The following SPATA16 variants were observed in gnomAD, a reference collection of about 807,000 sequenced individuals.
SPATA16 encodes spermatogenesis-associated protein 16.
SPATA16 carries 36 observed loss-of-function variants against 63.3 expected under a neutral mutation model. The observed-to-expected ratio is 0.57, with a 90% confidence interval of 0.44 to 0.75. The LOEUF (loss-of-function observed/expected upper bound fraction) is 0.75, where lower values mean the gene tolerates loss of function less well. Among genes scored for constraint, SPATA16 ranks in the 30% least tolerant of loss-of-function variants. SPATA16 has a pLI of 0.00. For missense variants in SPATA16, 646 were observed against 679.3 expected, an observed-to-expected ratio of 0.95 and a Z score of 0.54; for synonymous variants, 203 against 216.7, an observed-to-expected ratio of 0.94 and a Z score of 0.56.
At chr3:172,943,772 A>G (rs1733215977) in intron 6 of SPATA16, among the ~76,000 whole-genome samples, 1 of 152,140 alleles carries the variant, frequency 6.6e-6, no homozygotes, top group Non-Finnish European at 1.5e-5. Context: ...TTATCAAATA[A>G]CATTAAAATT....
intron 3 of SPATA16, among the ~76,000 whole-genome samples, chr3:173,037,205 A>G (rs909415833): frequency 2.6e-5 from 4 of 152,050 alleles, no homozygotes; most frequent in Non-Finnish European, 5.9e-5. Context: ...ATATTACACC[A>G]TCTTTTTGCC....
intron 2 of SPATA16, among the ~76,000 whole-genome samples, chr3:173,109,136 A>G (rs1737688710): frequency 3.3e-5 from 5 of 151,974 alleles, no homozygotes; most frequent in South Asian, 2.1e-4. Context: ...ATACTCTACT[A>G]CCATCTAAGT....
chr3:173,070,589 G>A (rs754803659), intron 2 of SPATA16, among the ~76,000 whole-genome samples: 1 of 152,072 alleles, frequency 6.6e-6, no homozygotes, highest in Non-Finnish European at 1.5e-5. Flanking sequence ...CCAAAAAACT[G>A]TTAGAACTGA....
Position 173,098,508 on chromosome 3 carries a change from G to T in SPATA16, c.612+18612C>A, listed in dbSNP as rs118114964. Reference sequence around the variant, plus strand: ...CTGGAAGAACTTACAGAGTAAAGCTGTGAATGATTTTAAAGGCCTCTTGGG... The same window carrying T: ...CTGGAAGAACTTACAGAGTAAAGCTTTGAATGATTTTAAAGGCCTCTTGGG... On this transcript the variant is annotated intron_variant, in intron 2 of 10. Transcript: ENST00000351008. Among the ~76,000 whole-genome samples the T allele has an allele frequency of 1.7e-4, 26 of 152,304 alleles. No homozygotes were observed. In the East Asian group the frequency reaches 4.1e-3, roughly 24 times the overall value.
At chr3:172,993,445 A>G (rs1312136002) in intron 4 of SPATA16, among the ~76,000 whole-genome samples, 1 of 152,100 alleles carries the variant, frequency 6.6e-6, no homozygotes, top group African/African-American at 2.4e-5. Context: ...CCAGGAAAAA[A>G]AGTAGTAATT....
intron 2 of SPATA16, among the ~76,000 whole-genome samples, chr3:173,113,589 C>T (rs1415880387): frequency 1.3e-5 from 2 of 151,998 alleles, no homozygotes; most frequent in Non-Finnish European, 2.9e-5. Flanking sequence ...TATCATTTGA[C>T]CTTAATGATT....
chr3:173,057,948 C>T (rs1283017990), intron 2 of SPATA16, among the ~76,000 whole-genome samples: 1 of 152,086 alleles, frequency 6.6e-6, no homozygotes, highest in Non-Finnish European at 1.5e-5. Flanking sequence ...ACTAGTTCTT[C>T]ATGACAGATA....
At chr3:172,940,876 G>A (rs112511987) in intron 6 of SPATA16, among the ~76,000 whole-genome samples, 2,402 of 152,112 alleles carry the variant, frequency 0.016, 60 homozygotes, top group African/African-American at 0.055. Flanking sequence ...ACAGCTACTC[G>A]GGAGGCTGAG....
At chr3:172,916,231 AT>A (rs201062286) in intron 9 of SPATA16, 85 bp downstream of exon 9, 59,686 of 1,058,338 alleles carry the variant, frequency 0.056, 1 homozygote, top group Admixed American at 0.093. Flanking sequence ...TTACCACAGG[AT>A]TTTTTTTTTT....
chr3:172,898,133 T>C (rs560445703), intron 10 of SPATA16, among the ~76,000 whole-genome samples: 3 of 152,174 alleles, frequency 2.0e-5, no homozygotes, highest in South Asian at 4.1e-4. Context: ...TTTTTAAACA[T>C]ATTGCTAAAT....
chr3:172,889,952 G>T (rs1046450900), intron 10 of SPATA16, among the ~76,000 whole-genome samples: 1 of 152,168 alleles, frequency 6.6e-6, no homozygotes, highest in Non-Finnish European at 1.5e-5. Context: ...TGGAAATGGG[G>T]ATTACTGTCA....
At chr3:173,067,884 T>G (rs1280723320) in intron 2 of SPATA16, among the ~76,000 whole-genome samples, 2 of 151,894 alleles carry the variant, frequency 1.3e-5, no homozygotes, top group South Asian at 2.1e-4. Flanking sequence ...CAAATAAAAA[T>G]AAAAAGAATT....
chr3:173,117,825 T>C (rs1737950527), intron 1 of SPATA16, 76 bp from the exon 2 acceptor site: 2 of 1,600,864 alleles, frequency 1.2e-6, no homozygotes, highest in Non-Finnish European at 1.7e-6. Flanking sequence ...GTCAAATTCA[T>C]TTTAAACACT....
chr3:172,956,872 T>C (rs143211035), intron 5 of SPATA16, 48 bp from the exon 6 acceptor site: 2 of 1,603,964 alleles, frequency 1.2e-6, no homozygotes, highest in South Asian at 2.2e-5. Context: ...AATATATGAC[T>C]TTTTAAGAAT....
intron 1 of SPATA16, among the ~76,000 whole-genome samples, chr3:173,134,153 G>A (rs1322693247): frequency 1.3e-5 from 2 of 152,194 alleles, no homozygotes; most frequent in Admixed American, 6.5e-5. Flanking sequence ...AAAAAGTCCA[G>A]TAGTAGACCT....
chr3:173,002,262 G>GT (rs1357607059), intron 4 of SPATA16, among the ~76,000 whole-genome samples: 2 of 152,194 alleles, frequency 1.3e-5, no homozygotes, highest in East Asian at 3.9e-4. Context: ...TGAAGCTGGT[G>GT]TTTTTTCTGA....
chr3:172,903,378 A>T (rs528556737), intron 10 of SPATA16, among the ~76,000 whole-genome samples: 1 of 152,216 alleles, frequency 6.6e-6, no homozygotes, highest in South Asian at 2.1e-4. Flanking sequence ...AGCATTTCCA[A>T]TTTCTGTTTT....
rs550541531 is a variant in SPATA16, at chr3:173,038,512, T to A, written c.758+10437A>T. Among the ~76,000 whole-genome samples, 3 of 152,212 alleles carry A rather than the reference T, an allele frequency of 2.0e-5. No individual in the cohort carries two copies. The East Asian group carries it at 5.8e-4, about 29-fold the overall frequency. ...ATATCTAGTATTCATCAGCTCTCTA[T>A]GTTTCCCTAGAATTTCTCAGTTTTA... is the stretch of plus-strand genomic sequence containing the variant. On this transcript the variant is annotated intron_variant, in intron 3 of 10. Coordinates refer to ENST00000351008, the MANE Select transcript of SPATA16 (RefSeq NM_031955.6).
At chr3:172,990,274 T>C (rs1362280726) in intron 4 of SPATA16, among the ~76,000 whole-genome samples, 7 of 152,212 alleles carry the variant, frequency 4.6e-5, no homozygotes. Flanking sequence ...TCAGCAAGTA[T>C]CTAGAATGGT....
Sources: gnomAD v4.1 joint callset for allele counts (sites outside exome capture counted in the v4.1 genomes callset) on GRCh38, gnomAD v4.1.1 for gene constraint, MANE v1.5 for transcripts, NCBI Gene and HGNC (gene_info 2026-07-23, HGNC 2026-07-21) for gene names.